The following PTPRE variants were observed in gnomAD, a reference collection of about 807,000 sequenced individuals.
The protein encoded by PTPRE is receptor-type tyrosine-protein phosphatase epsilon.
A neutral mutation model predicts 102.0 loss-of-function variants in PTPRE; 51 were observed. The ratio of observed to expected loss-of-function variants is 0.50; its 90% confidence interval spans 0.40 to 0.63. PTPRE has a LOEUF of 0.63. PTPRE is among the 30% of genes least tolerant of loss of function. PTPRE has a pLI of 0.00. For missense variants in PTPRE, 752 were observed against 915.1 expected (o/e 0.82, Z 2.30); for synonymous variants, 345 against 348.2 (o/e 0.99, Z 0.10).
intron 7 of PTPRE, among the ~76,000 whole-genome samples, chr10:128,058,474 G>A (rs75614757): frequency 0.014 from 2,109 of 152,310 alleles, 23 homozygotes; most frequent in Non-Finnish European, 0.022. Context: ...CAGGGCCCAC[G>A]CAGCTGCCCG....
chr10:127,919,299 C>A (rs1846426999), intron 1 of PTPRE, among the ~76,000 whole-genome samples: 1 of 152,246 alleles, frequency 6.6e-6, no homozygotes, highest in Non-Finnish European at 1.5e-5. Context: ...TCTTTCAGTT[C>A]ACCAAAAACC....
chr10:128,080,001 G>A (rs973951546), intron 20 of PTPRE, among the ~76,000 whole-genome samples: 6 of 152,246 alleles, frequency 3.9e-5, no homozygotes, highest in African/African-American at 9.6e-5. Flanking sequence ...ACTATTCTAC[G>A]AGAGTCCTGT....
chr10:128,013,926 T>C (rs1037897140), intron 2 of PTPRE, among the ~76,000 whole-genome samples: 1 of 152,142 alleles, frequency 6.6e-6, no homozygotes, highest in Non-Finnish European at 1.5e-5. Flanking sequence ...TGAATGCAAG[T>C]AGGTGCCAGT....
chr10:128,021,664 GTTC>G, intron 2 of PTPRE, among the ~76,000 whole-genome samples: 1 of 152,340 alleles, frequency 6.6e-6, no homozygotes, highest in Non-Finnish European at 1.5e-5. Flanking sequence ...CCCACCTCCT[GTTC>G]TTCTCACCAG....
rs183998477 is a variant in PTPRE, at chr10:128,032,260, C to A, written c.-7-8615C>A. 2.8e-3 allele frequency among the ~76,000 whole-genome samples: 434 copies of A among 152,308 alleles called. 4 individuals are homozygous for A. The highest frequency in any genetic ancestry group is 8.8e-3 in the African/African-American group (366 of 41,562). On this transcript the variant is annotated intron_variant, in intron 2 of 20. Transcript: ENST00000254667. ...TGAACTCTTGACCTCAGGTGATCCA[C>A]CTGCCTTGGCCTCCCAAAGTGCTAG...
chr10:128,068,198 C>A lies in PTPRE; in HGVS notation c.919C>A (p.Pro307Thr), dbSNP rs1381319074. The change falls in exon 12 of 21, where the codon CCT becomes ACT. Residue 307 changes from proline to threonine, a missense_variant. Transcript: ENST00000254667. ...CACCAGCTGGCCCGACTTCGGAGTG[C>A]CTTTTACCCCCATTGGGATGCTGAA... ...HFTSWPDFGV[P>T]FTPIGMLKFL... 1 of 1,614,068 alleles carries A rather than the reference C, an allele frequency of 6.2e-7. No individual in the cohort carries two copies. Among genetic ancestry groups the A allele is most frequent in the African/African-American group, 1.3e-5 (1 of 74,938 alleles).
At chr10:128,011,086 G>T (rs933069452) in intron 2 of PTPRE, among the ~76,000 whole-genome samples, 1 of 152,182 alleles carries the variant, frequency 6.6e-6, no homozygotes, top group African/African-American at 2.4e-5. Flanking sequence ...GATTCCGTGG[G>T]AAGAAAGCCA....
intron 2 of PTPRE, among the ~76,000 whole-genome samples, chr10:128,002,083 C>T (rs930876995): frequency 1.8e-4 from 28 of 152,180 alleles, no homozygotes; most frequent in African/African-American, 6.3e-4. Flanking sequence ...CAGGCCGTGC[C>T]GAGGCAGGAC....
At chr10:127,950,667 G>A (rs1848947391) in intron 1 of PTPRE, among the ~76,000 whole-genome samples, 1 of 152,248 alleles carries the variant, frequency 6.6e-6, no homozygotes, top group South Asian at 2.1e-4. Context: ...TGGGGTGGCA[G>A]GGGCCAAGTG....
intron 1 of PTPRE, among the ~76,000 whole-genome samples, chr10:127,911,238 A>G (rs1399315766): frequency 1.3e-5 from 2 of 152,230 alleles, no homozygotes; most frequent in East Asian, 1.9e-4. Flanking sequence ...CTAAATGATT[A>G]TTATGTAAAT....
intron 1 of PTPRE, among the ~76,000 whole-genome samples, chr10:127,957,964 T>G (rs1038106523): frequency 1.3e-5 from 2 of 152,254 alleles, no homozygotes; most frequent in Non-Finnish European, 2.9e-5. Context: ...TAAATAGGAT[T>G]GTGTTTTTAA....
At chr10:127,945,648 G>A (rs1848571153) in intron 1 of PTPRE, among the ~76,000 whole-genome samples, 1 of 152,182 alleles carries the variant, frequency 6.6e-6, no homozygotes, top group South Asian at 2.1e-4. Context: ...AGAGGCCTGT[G>A]AGTGTGAGAT....
At position 128,014,832 on chromosome 10, in the gene PTPRE, C is replaced by T. The variant is rs546798618; in HGVS notation, c.-7-26043C>T. On this transcript the variant is annotated intron_variant, in intron 2 of 20. Coordinates refer to ENST00000254667, the MANE Select transcript of PTPRE (RefSeq NM_006504.6). The stretch of plus-strand genomic sequence containing the variant: ...TATAAACCCAAACCCTGTGGCTGGG[C>T]GTCCATTTGTGGAACTGCAGCCCCA... Among the ~76,000 whole-genome samples, 16 of 152,126 alleles carry T rather than the reference C, an allele frequency of 1.1e-4. No individual in the cohort carries two copies. In the East Asian group the frequency reaches 1.7e-3, roughly 17 times the overall value.
chr10:127,994,750 C>A (rs907095727), intron 2 of PTPRE, among the ~76,000 whole-genome samples: 1 of 152,138 alleles, frequency 6.6e-6, no homozygotes, highest in African/African-American at 2.4e-5. Context: ...AGCCCGATGT[C>A]GCAGGGGCTG....
Position 128,070,135 on chromosome 10 carries a change from T to C in PTPRE, c.1144-166T>C. 2.5e-6 allele frequency: 2 copies of C among 811,842 alleles called. No individual in the cohort carries two copies. The highest frequency in any genetic ancestry group is 3.8e-6 in the Non-Finnish European group (2 of 524,126). 50.3% of individuals were successfully genotyped at this position (811,842 alleles called of 1,614,324 possible). A position where few individuals can be genotyped will look rare whatever the true frequency, so the allele number is the denominator to read the frequency against. On this transcript the variant is annotated intron_variant, in intron 13 of 20. Coordinates refer to ENST00000254667, the MANE Select transcript of PTPRE (RefSeq NM_006504.6). The surrounding 1 kb of genome is among the most constrained non-coding windows in gnomAD (Gnocchi z 4.8). ...CTACCGTTCTCCTTACTCAAGGGCATAAATGGTCGTTATCCGTGGCCGGTA... is the reference window on the plus strand; with the variant it reads ...CTACCGTTCTCCTTACTCAAGGGCACAAATGGTCGTTATCCGTGGCCGGTA...
At chr10:128,027,181 G>A (rs1846348049) in intron 2 of PTPRE, among the ~76,000 whole-genome samples, 1 of 152,240 alleles carries the variant, frequency 6.6e-6, no homozygotes. Context: ...AGGGCCTGGT[G>A]TGTACTCAGT....
intron 2 of PTPRE, among the ~76,000 whole-genome samples, chr10:128,035,176 G>C (rs988428191): frequency 1.3e-5 from 2 of 152,004 alleles, no homozygotes; most frequent in Admixed American, 6.6e-5. Context: ...TAGAGACAGG[G>C]TTTTGCCATA....
intron 2 of PTPRE, among the ~76,000 whole-genome samples, chr10:127,995,838 C>CACAT (rs1053797929): frequency 2.0e-5 from 3 of 151,198 alleles, no homozygotes; most frequent in African/African-American, 7.4e-5. Context: ...CACACACACA[C>CACAT]ACACACACAC....
At chr10:128,027,957 GCA>G (rs1846404181) in intron 2 of PTPRE, among the ~76,000 whole-genome samples, 1 of 152,128 alleles carries the variant, frequency 6.6e-6, no homozygotes, top group Admixed American at 6.5e-5. Flanking sequence ...AAGCTGAGAG[GCA>G]CAGTGAGGTG....
Sources: allele counts gnomAD v4.1 joint callset (sites outside exome capture counted in the v4.1 genomes callset), GRCh38; gene constraint gnomAD v4.1.1; non-coding constraint Gnocchi (gnomAD v3.1); transcripts MANE v1.5; gene names NCBI Gene and HGNC (gene_info 2026-07-23, HGNC 2026-07-21).